Variants in GRM7 observed in about 807,000 individuals in gnomAD.
GRM7 encodes glutamate metabotropic receptor 7.
Under a neutral mutation model 84.5 loss-of-function variants are expected in GRM7, and 35 were observed. The observed-to-expected ratio is 0.41, with a 90% CI of 0.32 to 0.55. The LOEUF is 0.55. Among genes scored for constraint, GRM7 ranks in the 20% least tolerant of loss-of-function variants. The probability of loss-of-function intolerance (pLI) is 0.19; values close to 1 mark genes in which losing one functional copy is unlikely to be tolerated. For synonymous variants in GRM7, 487 were observed against 455.1 expected, an observed-to-expected ratio of 1.07 and a Z score of -0.89; for missense variants, 1,003 against 1,194.6, an observed-to-expected ratio of 0.84 and a Z score of 2.36.
intron 2 of GRM7, among the ~76,000 whole-genome samples, chr3:7,192,182 A>T (rs1695731445): frequency 6.6e-6 from 1 of 152,196 alleles, no homozygotes; most frequent in African/African-American, 2.4e-5. Flanking sequence ...AGCCAGAATC[A>T]GTTGAGAAGA....
intron 8 of GRM7, among the ~76,000 whole-genome samples, chr3:7,673,447 A>G (rs1700005636): frequency 6.6e-6 from 1 of 151,750 alleles, no homozygotes; most frequent in South Asian, 2.1e-4. Context: ...AAAGTTTCCC[A>G]TGAAAAAACA....
At chr3:7,322,369 C>T (rs1017002496) in intron 4 of GRM7, among the ~76,000 whole-genome samples, 7 of 151,914 alleles carry the variant, frequency 4.6e-5, no homozygotes, top group Non-Finnish European at 8.8e-5. Flanking sequence ...ATCCCCACCA[C>T]CTTTTTGTTT....
At chr3:7,288,145 G>C (rs903584945) in intron 2 of GRM7, among the ~76,000 whole-genome samples, 11 of 152,264 alleles carry the variant, frequency 7.2e-5, no homozygotes, top group African/African-American at 2.6e-4. Flanking sequence ...CCTACTGACA[G>C]GATGAAGACT....
At chr3:7,330,856 G>C (rs886536445) in intron 4 of GRM7, among the ~76,000 whole-genome samples, 8 of 152,256 alleles carry the variant, frequency 5.3e-5, no homozygotes, top group African/African-American at 1.7e-4. Flanking sequence ...CACACCTAGA[G>C]ACAGGATGGT....
chr3:7,643,335 A>AAC (rs1031132431), intron 8 of GRM7, among the ~76,000 whole-genome samples: 45 of 151,202 alleles, frequency 3.0e-4, no homozygotes, highest in Non-Finnish European at 4.4e-4. Flanking sequence ...AACAAACAAA[A>AAC]AAAACAAAAC....
chr3:7,466,613 AC>A (rs1255310456), intron 7 of GRM7, among the ~76,000 whole-genome samples: 1 of 152,212 alleles, frequency 6.6e-6, no homozygotes, highest in East Asian at 1.9e-4. Context: ...TTTCCAGATA[AC>A]CAAAATTCTC....
At chr3:7,732,046 T>G (rs74355939) in intron 9 of GRM7, among the ~76,000 whole-genome samples, 169 of 149,952 alleles carry the variant, frequency 1.1e-3, no homozygotes, top group African/African-American at 4.1e-3. Flanking sequence ...CTCGTGTCTA[T>G]TAAGCTTTTT....
intron 1 of GRM7, among the ~76,000 whole-genome samples, chr3:7,023,943 T>A (rs376625126): frequency 1.3e-5 from 2 of 152,170 alleles, no homozygotes; most frequent in African/African-American, 4.8e-5. Context: ...GTGATGCTAA[T>A]GAAAGTCTTC....
At chr3:7,372,533 T>G (rs969858769) in intron 4 of GRM7, among the ~76,000 whole-genome samples, 1 of 152,138 alleles carries the variant, frequency 6.6e-6, no homozygotes, top group African/African-American at 2.4e-5. Context: ...TAGGCCTTAA[T>G]TGTACGCCAT....
intron 8 of GRM7, among the ~76,000 whole-genome samples, chr3:7,585,943 A>G (rs1695499614): frequency 6.6e-6 from 1 of 152,030 alleles, no homozygotes; most frequent in South Asian, 2.1e-4. Flanking sequence ...ATTCTTTCCA[A>G]CTTCATTTAC....
intron 2 of GRM7, among the ~76,000 whole-genome samples, chr3:7,177,992 G>C (rs1194550798): frequency 1.3e-5 from 2 of 152,076 alleles, no homozygotes; most frequent in Non-Finnish European, 2.9e-5. Context: ...TTGCTTTCTT[G>C]CTTATTTTTC....
chr3:6,894,902 G>A (rs772830091), intron 1 of GRM7, among the ~76,000 whole-genome samples: 9 of 152,186 alleles, frequency 5.9e-5, no homozygotes, highest in Non-Finnish European at 8.8e-5. Context: ...AGATGGAAAG[G>A]TATCTCAAGT....
At chr3:7,653,582 G>A (rs1486257322) in intron 8 of GRM7, among the ~76,000 whole-genome samples, 3 of 152,090 alleles carry the variant, frequency 2.0e-5, no homozygotes, top group Non-Finnish European at 4.4e-5. Flanking sequence ...ATGTAAACAG[G>A]TTAATGTGCT....
chr3:7,616,838 A>C (rs1409025856), intron 8 of GRM7, among the ~76,000 whole-genome samples: 1 of 152,148 alleles, frequency 6.6e-6, no homozygotes, highest in Non-Finnish European at 1.5e-5. Flanking sequence ...AAAACCTGAA[A>C]ATTTTTAATT....
chr3:7,684,395 A>G (rs1384533958), intron 9 of GRM7, among the ~76,000 whole-genome samples: 1 of 152,210 alleles, frequency 6.6e-6, no homozygotes, highest in Non-Finnish European at 1.5e-5. Context: ...GCTACAAAGT[A>G]AATAGTGGAA....
At chr3:7,635,003 C>T (rs1294865531) in intron 8 of GRM7, among the ~76,000 whole-genome samples, 5 of 151,996 alleles carry the variant, frequency 3.3e-5, no homozygotes, top group African/African-American at 7.2e-5. Context: ...CAGCACTGCC[C>T]GATAGAATTT....
intron 9 of GRM7, among the ~76,000 whole-genome samples, chr3:7,684,795 A>G (rs1700512384): frequency 6.6e-6 from 1 of 152,180 alleles, no homozygotes; most frequent in Non-Finnish European, 1.5e-5. Flanking sequence ...AATGCTTGCT[A>G]GTCTCTGCAC....
chr3:7,339,380 A>C (rs1701549751), intron 4 of GRM7, among the ~76,000 whole-genome samples: 1 of 152,130 alleles, frequency 6.6e-6, no homozygotes, highest in Non-Finnish European at 1.5e-5. Flanking sequence ...CCTGTTGCCA[A>C]GTACAGCAAT....
chr3:7,689,527 T>C (rs947152952), intron 9 of GRM7, among the ~76,000 whole-genome samples: 8 of 152,240 alleles, frequency 5.3e-5, no homozygotes, highest in African/African-American at 1.7e-4. Flanking sequence ...CTAAGAGGTC[T>C]GTGAGACACC....
Sources: gnomAD v4.1 joint callset for allele counts (sites outside exome capture counted in the v4.1 genomes callset) on GRCh38, gnomAD v4.1.1 for gene constraint, MANE v1.5 for transcripts, NCBI Gene and HGNC (gene_info 2026-07-23, HGNC 2026-07-21) for gene names.